The following CAPN7 variants were observed in gnomAD, a reference collection of about 807,000 sequenced individuals.
The protein encoded by CAPN7 is calpain 7.
In CAPN7, 72 loss-of-function variants were observed where a neutral mutation model predicts 115.2. That is an observed-to-expected ratio of 0.63 (90% confidence interval 0.52 to 0.76). The LOEUF is 0.76. Ranked by LOEUF, CAPN7 falls within the 30% of genes least tolerant of loss-of-function variation. The pLI, the probability that CAPN7 is intolerant of heterozygous loss-of-function variation, is 0.00. For synonymous variants in CAPN7, 344 were observed against 322.3 expected (o/e 1.07, Z -0.72); for missense variants, 905 against 971.5 (o/e 0.93, Z 0.91).
intron 19 of CAPN7, among the ~76,000 whole-genome samples, chr3:15,248,315 CAT>C (rs1695793915): frequency 6.6e-6 from 1 of 152,080 alleles, no homozygotes; most frequent in Non-Finnish European, 1.5e-5. Context: ...ATAATATAGT[CAT>C]ATAATAGTCC....
intron 9 of CAPN7, among the ~76,000 whole-genome samples, chr3:15,231,552 T>TG (rs1694687545): frequency 6.6e-6 from 1 of 151,768 alleles, no homozygotes; most frequent in African/African-American, 2.4e-5. Context: ...TTTTTTGAGA[T>TG]GGAGTCTCAC....
intron 2 of CAPN7, 67 bp downstream of exon 2, chr3:15,212,279 G>T (rs2045001614): frequency 1.2e-6 from 1 of 829,888 alleles, no homozygotes; most frequent in Admixed American, 2.6e-5. Context: ...TTTCCCCCAT[G>T]TTTGTTTCTC....
At chr3:15,249,764 T>C (rs1212878789) in intron 19 of CAPN7, among the ~76,000 whole-genome samples, 2 of 148,824 alleles carry the variant, frequency 1.3e-5, no homozygotes, top group African/African-American at 5.0e-5. Flanking sequence ...ACAATAACAA[T>C]TTTTTTTTTC....
chr3:15,231,540 T>A (rs2124958570), intron 9 of CAPN7, among the ~76,000 whole-genome samples: 1 of 152,216 alleles, frequency 6.6e-6, no homozygotes, highest in Middle Eastern at 3.4e-3. Context: ...AACACTTTTT[T>A]TTTTTTTGAG....
At chr3:15,214,056 A>G (rs1022800434) in intron 2 of CAPN7, among the ~76,000 whole-genome samples, 3 of 151,882 alleles carry the variant, frequency 2.0e-5, no homozygotes, top group Admixed American at 6.6e-5. Context: ...GATTTTTTAT[A>G]TTTTTAGTAG....
rs147888012 is a variant in CAPN7 at position 15,209,762 on chromosome 3, A to C, written c.103-2342A>C. Among the ~76,000 whole-genome samples the C allele has an allele frequency of 3.6e-3, 556 of 152,366 alleles. 5 individuals are homozygous for C. The highest frequency in any genetic ancestry group is 0.012 in the African/African-American group (513 of 41,586). ...AAAATAGATTTTATTAAAGCAAAAG[A>C]AACTGCTATGCACTGCCCCTTGTTT... On this transcript the variant is annotated intron_variant, in intron 1 of 20. Transcript: ENST00000253693.
intron 19 of CAPN7, among the ~76,000 whole-genome samples, chr3:15,250,693 G>A (rs1047305322): frequency 6.6e-6 from 1 of 151,978 alleles, no homozygotes; most frequent in African/African-American, 2.4e-5. Context: ...AATATTTCCC[G>A]GGGAGCCCAT....
At chr3:15,240,400 C>T (rs947891341) in intron 12 of CAPN7, 73 bp from the exon 13 acceptor site, 15 of 1,333,706 alleles carry the variant, frequency 1.1e-5, no homozygotes, top group Non-Finnish European at 1.6e-5. Flanking sequence ...TCAGTTCATC[C>T]TCTAATAAGA....
Position 15,233,950 on chromosome 3 carries a change from T to C in CAPN7, c.1263T>C (p.Asn421=). 1.3e-6 allele frequency: 2 copies of C among 1,581,496 alleles called. No individual in the cohort carries two copies. The highest frequency in any genetic ancestry group is 1.7e-6 in the Non-Finnish European group (2 of 1,153,276). ...HSDSQTFSKD[N]SFRMLYQRFH... ...ATAGCCAAACTTTCAGTAAGGATAA[T>C]TCTTTCAGAATGCTTTATCAAAGGT... The change falls in exon 11 of 21, where the codon AAT becomes AAC. Residue 421 remains asparagine, a synonymous_variant. Transcript: ENST00000253693.
At chr3:15,238,013 T>C (rs1176281528) in intron 12 of CAPN7, among the ~76,000 whole-genome samples, 1 of 152,024 alleles carries the variant, frequency 6.6e-6, no homozygotes, top group Admixed American at 6.6e-5. Context: ...AGTACTCTTT[T>C]ATTGGGTATA....
intron 13 of CAPN7, 24 bp downstream of exon 13, chr3:15,240,641 A>G: frequency 6.4e-7 from 1 of 1,573,098 alleles, no homozygotes; most frequent in South Asian, 1.2e-5. Context: ...TTTAATTTTA[A>G]TACCATTTAT....
chr3:15,241,357 A>G, intron 14 of CAPN7, 96 bp from the exon 15 acceptor site: 1 of 1,316,094 alleles, frequency 7.6e-7, no homozygotes. Context: ...ACAAAACCAA[A>G]AACTTGGATA....
At position 15,206,429 on chromosome 3, in the gene CAPN7, C is replaced by G. The variant is rs1283707986; in HGVS notation, c.-67C>G. ...CGAGTCCTCGCCGCCGCCGGGCCGC[C>G]GCAGTCCGCGAAGAGCCGTCCTGCG... is the stretch of plus-strand genomic sequence containing the variant. On this transcript the variant is annotated 5_prime_UTR_variant, in exon 1 of 21. Coordinates refer to ENST00000253693, the MANE Select transcript of CAPN7 (RefSeq NM_014296.3). The G allele has an allele frequency of 8.0e-6, 10 of 1,257,804 alleles. No homozygotes were observed. The East Asian group carries it at 2.2e-4, about 27-fold the overall frequency. 77.9% of individuals were successfully genotyped at this position (1,257,804 alleles called of 1,614,324 possible). A position where few individuals can be genotyped will look rare whatever the true frequency, so the allele number is the denominator to read the frequency against.
chr3:15,220,493 C>G (rs1424238965), intron 4 of CAPN7, among the ~76,000 whole-genome samples: 1 of 152,144 alleles, frequency 6.6e-6, no homozygotes, highest in African/African-American at 2.4e-5. Context: ...CTATGAGTAC[C>G]TTAAGGGTAG....
At chr3:15,227,240 C>T (rs1301690852) in intron 6 of CAPN7, among the ~76,000 whole-genome samples, 1 of 152,086 alleles carries the variant, frequency 6.6e-6, no homozygotes, top group East Asian at 1.9e-4. Context: ...GTGGATTTGG[C>T]ACCAGAGACC....
chr3:15,208,453 A>ATTTTT (rs1218217326), intron 1 of CAPN7, among the ~76,000 whole-genome samples: 10 of 126,130 alleles, frequency 7.9e-5, no homozygotes, highest in East Asian at 2.2e-4. Flanking sequence ...CACTTGGCTA[A>ATTTTT]TTTTTTTTTT....
intron 19 of CAPN7, among the ~76,000 whole-genome samples, chr3:15,247,882 G>A (rs1559413501): frequency 1.3e-5 from 2 of 152,286 alleles, no homozygotes; most frequent in Middle Eastern, 6.8e-3. Context: ...GTAGGGACAT[G>A]GATGAAATTG....
intron 6 of CAPN7, among the ~76,000 whole-genome samples, chr3:15,227,620 C>G (rs924097138): frequency 8.6e-5 from 13 of 151,644 alleles, no homozygotes; most frequent in Non-Finnish European, 1.5e-4. Context: ...TTAAGTTGTT[C>G]TTCTGTTTTC....
At chr3:15,249,160 A>C (rs1242456362) in intron 19 of CAPN7, among the ~76,000 whole-genome samples, 2 of 152,176 alleles carry the variant, frequency 1.3e-5, no homozygotes, top group Non-Finnish European at 2.9e-5. Context: ...CTATTTTTCC[A>C]CAAGAAAGTC....
Sources: gnomAD v4.1 joint callset for allele counts (sites outside exome capture counted in the v4.1 genomes callset) on GRCh38, gnomAD v4.1.1 for gene constraint, MANE v1.5 for transcripts, NCBI Gene and HGNC (gene_info 2026-07-23, HGNC 2026-07-21) for gene names.